Variants in LRRC9 observed in about 807,000 individuals in gnomAD.
LRRC9 encodes leucine-rich repeat-containing protein 9.
Under a neutral mutation model 63.2 loss-of-function variants are expected in LRRC9, and 122 were observed. The ratio of observed to expected loss-of-function variants is 1.93; its 90% CI spans 1.67 to 2.24. The LOEUF (loss-of-function observed/expected upper bound fraction) is 2.24. Ranked by LOEUF, LRRC9 falls within the 30% of genes most tolerant of loss-of-function variation. The pLI, the probability that LRRC9 is intolerant of heterozygous loss-of-function variation, is 0.00. For missense variants in LRRC9, 1,071 were observed against 627.7 expected, an observed-to-expected ratio of 1.71 and a Z score of -7.55; for synonymous variants, 366 against 213.1, an observed-to-expected ratio of 1.72 and a Z score of -6.25.
intron 10 of LRRC9, among the ~76,000 whole-genome samples, chr14:59,963,346 A>G (rs1884530477): frequency 6.6e-6 from 1 of 152,126 alleles, no homozygotes. Flanking sequence ...TGTTGCTACT[A>G]TACCTTTATT....
At chr14:59,939,651 A>G (rs1350699213) in intron 7 of LRRC9, among the ~76,000 whole-genome samples, 1 of 152,028 alleles carries the variant, frequency 6.6e-6, no homozygotes, top group Non-Finnish European at 1.5e-5. Context: ...GATGGATTGA[A>G]TATTAAGTAC....
intron 20 of LRRC9, 72 bp downstream of exon 20, chr14:60,002,172 G>C: frequency 3.5e-6 from 2 of 567,394 alleles, no homozygotes; most frequent in Non-Finnish European, 6.3e-6. Flanking sequence ...GTTGGTCTGT[G>C]TATCATAAAG....
chr14:60,007,945 A>T, intron 22 of LRRC9, 147 bp from the exon 23 acceptor site: 6 of 269,006 alleles, frequency 2.2e-5, no homozygotes, highest in Admixed American at 5.5e-5. Flanking sequence ...GTCTTTAAAA[A>T]AAAAAAAAAA....
chr14:59,975,116 T>TATATATATATATATATATATAC (rs1566833605), intron 13 of LRRC9, among the ~76,000 whole-genome samples: 1 of 17,920 alleles, frequency 5.6e-5, no homozygotes, highest in African/African-American at 8.4e-5. Flanking sequence ...TATATATGTA[T>TATATATATATATATATATATAC]ATATATATAT....
intron 29 of LRRC9, among the ~76,000 whole-genome samples, chr14:60,046,590 C>A (rs76722860): frequency 2.6e-5 from 4 of 151,948 alleles, no homozygotes; most frequent in African/African-American, 7.3e-5. Flanking sequence ...TGTAGGTGTG[C>A]GGTCTTATTT....
At chr14:59,977,270 C>G (rs564959995) in exon 14 of LRRC9, 1 of 700,634 alleles carries the variant, frequency 1.4e-6, no homozygotes, top group East Asian at 2.7e-5. Flanking sequence ...AGTGTTCAGG[C>G]CCATGAAAAA....
intron 27 of LRRC9, among the ~76,000 whole-genome samples, chr14:60,023,965 G>A (rs1346755896): frequency 6.6e-6 from 1 of 152,050 alleles, no homozygotes; most frequent in African/African-American, 2.4e-5. Flanking sequence ...TCGCCACAAA[G>A]GACATGAACT....
intron 30 of LRRC9, 97 bp from the exon 31 acceptor site, chr14:60,057,781 A>G (rs556501956): frequency 3.2e-4 from 147 of 452,320 alleles, no homozygotes; most frequent in Middle Eastern, 6.0e-4. Flanking sequence ...GACTAAAAAG[A>G]ATGTTGATTG....
At chr14:60,050,484 C>T (rs1359386110) in intron 29 of LRRC9, among the ~76,000 whole-genome samples, 1 of 152,098 alleles carries the variant, frequency 6.6e-6, no homozygotes, top group African/African-American at 2.4e-5. Context: ...TATTATGTTT[C>T]TTAGCTTCTT....
chr14:59,992,271 C>G (rs931847602), intron 17 of LRRC9, among the ~76,000 whole-genome samples: 1 of 152,148 alleles, frequency 6.6e-6, no homozygotes, highest in African/African-American at 2.4e-5. Flanking sequence ...AGAAGGAAAA[C>G]TAACAAACAG....
intron 29 of LRRC9, among the ~76,000 whole-genome samples, chr14:60,034,497 C>T (rs559349964): frequency 6.6e-6 from 1 of 152,208 alleles, no homozygotes; most frequent in South Asian, 2.1e-4. Flanking sequence ...TCCCATCTCT[C>T]ATCCCCGCTC....
rs768451537 is a variant in LRRC9 at position 60,018,367 on chromosome 14, T to A, written c.3318-4T>A. On this transcript the variant is annotated splice_region_variant and splice_polypyrimidine_tract_variant and intron_variant, in intron 24 of 31. Coordinates refer to ENST00000445360, the Ensembl canonical transcript of LRRC9. Reference sequence around the variant, plus strand: ...ATAGCTGTATTTACTTTGTCTAAATTCAGAACAGTGGATTTGATTCCAGTC... The same window carrying A: ...ATAGCTGTATTTACTTTGTCTAAATACAGAACAGTGGATTTGATTCCAGTC... 1.4e-6 allele frequency: 1 copy of A among 700,256 alleles called. No homozygotes were observed. Among genetic ancestry groups the A allele is most frequent in the South Asian group, 1.5e-5 (1 of 67,478 alleles). 43.4% of individuals were successfully genotyped at this position (700,256 alleles called of 1,614,324 possible).
intron 31 of LRRC9, among the ~76,000 whole-genome samples, chr14:60,061,587 T>C (rs748993943): frequency 2.6e-5 from 4 of 152,218 alleles, no homozygotes; most frequent in Admixed American, 1.3e-4. Context: ...ATTGCAATGG[T>C]CTGGGACCAC....
chr14:59,924,333 A>G (rs886106207), intron 1 of LRRC9, among the ~76,000 whole-genome samples: 1 of 152,206 alleles, frequency 6.6e-6, no homozygotes, highest in African/African-American at 2.4e-5. Context: ...GCCTGCATCT[A>G]TGTATGGGCC....
At chr14:60,000,838 G>T (rs1412413554) in intron 19 of LRRC9, among the ~76,000 whole-genome samples, 3 of 151,994 alleles carry the variant, frequency 2.0e-5, no homozygotes, top group African/African-American at 7.2e-5. Context: ...AAAGAAATTT[G>T]CGACACAACT....
At chr14:59,981,728 TA>T in intron 15 of LRRC9, 119 bp from the exon 16 acceptor site, 1 of 609,584 alleles carries the variant, frequency 1.6e-6, no homozygotes, top group East Asian at 2.7e-5. Flanking sequence ...GTGATTCTGA[TA>T]ATCACAGATA....
At chr14:59,995,697 C>A (rs1446719823) in intron 17 of LRRC9, among the ~76,000 whole-genome samples, 1 of 151,108 alleles carries the variant, frequency 6.6e-6, no homozygotes, top group Non-Finnish European at 1.5e-5. Flanking sequence ...AGATTCCCCC[C>A]CTGTTTTCAA....
chr14:60,059,974 T>A (rs1484844502), intron 31 of LRRC9, among the ~76,000 whole-genome samples: 1 of 152,182 alleles, frequency 6.6e-6, no homozygotes, highest in African/African-American at 2.4e-5. Context: ...AGAGGAGAAG[T>A]CAATGACTGG....
chr14:60,049,906 T>C (rs1278855243), intron 29 of LRRC9, among the ~76,000 whole-genome samples: 1 of 152,158 alleles, frequency 6.6e-6, no homozygotes, highest in African/African-American at 2.4e-5. Flanking sequence ...CAGTCATAGG[T>C]TCGATCTTTT....
Sources: allele counts gnomAD v4.1 joint callset (sites outside exome capture counted in the v4.1 genomes callset), GRCh38; gene constraint gnomAD v4.1.1; transcripts MANE v1.5; gene names NCBI Gene and HGNC (gene_info 2026-07-23, HGNC 2026-07-21).